Variants in SENP1 observed in about 807,000 individuals in gnomAD.
SENP1 encodes sentrin-specific protease 1.
SENP1 carries 21 observed loss-of-function variants against 93.0 expected under a neutral mutation model. The observed-to-expected ratio is 0.23, with a 90% confidence interval of 0.16 to 0.33. The LOEUF (loss-of-function observed/expected upper bound fraction) is 0.33. Ranked by LOEUF, SENP1 falls within the 10% of genes least tolerant of loss-of-function variation. SENP1 has a pLI of 1.00. For missense variants in SENP1, 591 were observed against 758.7 expected, an observed-to-expected ratio of 0.78 and a Z score of 2.60; for synonymous variants, 256 against 259.6, an observed-to-expected ratio of 0.99 and a Z score of 0.13.
At chr12:48,061,347 T>C (rs1347139912) in intron 13 of SENP1, among the ~76,000 whole-genome samples, 1 of 152,116 alleles carries the variant, frequency 6.6e-6, no homozygotes, top group African/African-American at 2.4e-5. Flanking sequence ...AAGAAGAGGA[T>C]TGAACAGAGG....
intron 16 of SENP1, among the ~76,000 whole-genome samples, 163 bp downstream of exon 16, chr12:48,046,815 T>C (rs1214083584): frequency 6.6e-6 from 1 of 152,048 alleles, no homozygotes; most frequent in Non-Finnish European, 1.5e-5. Flanking sequence ...CACTATCACT[T>C]TTCCTACGGA....
chr12:48,053,590 G>C lies in SENP1; in HGVS notation c.1408-4458C>G, dbSNP rs58573495. Among the ~76,000 whole-genome samples the C allele has an allele frequency of 4.8e-3, 722 of 151,610 alleles. 7 individuals carry two copies. The highest frequency in any genetic ancestry group is 0.016 in the African/African-American group (647 of 41,286). ...CTTTAGTACTTCCCCATAAAGTTTTGCTTCTTATTTTATGCCACCAATCAA... is the reference window on the plus strand; with the variant it reads ...CTTTAGTACTTCCCCATAAAGTTTTCCTTCTTATTTTATGCCACCAATCAA... On this transcript the variant is annotated intron_variant, in intron 13 of 17. Coordinates refer to ENST00000549518, the MANE Select transcript of SENP1 (RefSeq NM_001267594.2).
Position 48,060,836 on chromosome 12 carries a change from C to T in SENP1, c.1407+2874G>A, listed in dbSNP as rs572346921. On this transcript the variant is annotated intron_variant, in intron 13 of 17. Transcript: ENST00000549518. The stretch of plus-strand genomic sequence containing the variant: ...ATCTCCTGACCCAGTATAGAAATCC[C>T]CATCTACGGTGTCTTGATTGTAACA... Among the ~76,000 whole-genome samples the T allele has an allele frequency of 6.6e-4, 100 of 152,284 alleles. 1 individual carries two copies. The highest frequency in any genetic ancestry group is 1.9e-3 in the African/African-American group (79 of 41,564).
chr12:48,043,034 G>A lies in SENP1; in HGVS notation c.*2288C>T, dbSNP rs771853682. 1.3e-5 allele frequency: 2 copies of A among 151,922 alleles called. No individual in the cohort carries two copies. Among genetic ancestry groups the A allele is most frequent in the Non-Finnish European group, 2.9e-5 (2 of 67,974 alleles). 9.4% of individuals were successfully genotyped at this position (151,922 alleles called of 1,614,324 possible). A position where few individuals can be genotyped will look rare whatever the true frequency, so the allele number is the denominator to read the frequency against. The stretch of plus-strand genomic sequence containing the variant: ...AGCCTACCCCTAAACAAAGGGGAAA[G>A]TTTCCAGATACTACTCCTGCTCTTG... On this transcript the variant is annotated 3_prime_UTR_variant, in exon 18 of 18. Coordinates refer to ENST00000549518, the MANE Select transcript of SENP1 (RefSeq NM_001267594.2).
At chr12:48,077,023 T>C (rs962322106) in intron 6 of SENP1, among the ~76,000 whole-genome samples, 4 of 152,244 alleles carry the variant, frequency 2.6e-5, no homozygotes, top group African/African-American at 7.2e-5. Context: ...CCCATCTTTA[T>C]GTCCATTTGT....
chr12:48,089,377 T>C lies in SENP1; in HGVS notation c.221-417A>G, dbSNP rs1945083710. ...ATTCAAATGAACAACAGTTATTGATTACTAAGCAGCTAGTGTCACTTTCTT... is the reference window on the plus strand; with the variant it reads ...ATTCAAATGAACAACAGTTATTGATCACTAAGCAGCTAGTGTCACTTTCTT... On this transcript the variant is annotated intron_variant, in intron 4 of 17. Transcript: ENST00000549518. 2.4e-6 allele frequency: 3 copies of C among 1,242,858 alleles called. No homozygotes were observed. In the Admixed American group the frequency reaches 8.3e-5, roughly 34 times the overall value. 77.0% of individuals were successfully genotyped at this position (1,242,858 alleles called of 1,614,324 possible).
intron 13 of SENP1, among the ~76,000 whole-genome samples, chr12:48,053,753 T>C (rs1358559217): frequency 6.6e-6 from 1 of 152,186 alleles, no homozygotes; most frequent in Non-Finnish European, 1.5e-5. Flanking sequence ...AATTACAGTC[T>C]GCTATGTAGA....
intron 6 of SENP1, among the ~76,000 whole-genome samples, chr12:48,083,147 C>T (rs1205893508): frequency 6.6e-6 from 1 of 152,166 alleles, no homozygotes; most frequent in African/African-American, 2.4e-5. Flanking sequence ...TCAAGTGATC[C>T]ACCTGTCTTG....
chr12:48,057,972 A>C (rs1942685255), intron 13 of SENP1, among the ~76,000 whole-genome samples: 1 of 123,702 alleles, frequency 8.1e-6, no homozygotes, highest in Non-Finnish European at 1.6e-5. Flanking sequence ...TTTGAGATAA[A>C]GTCTCGCTCC....
chr12:48,092,440 G>GA (rs1945281614), intron 4 of SENP1, among the ~76,000 whole-genome samples: 1 of 151,974 alleles, frequency 6.6e-6, no homozygotes, highest in African/African-American at 2.4e-5. Flanking sequence ...TTCATTATAA[G>GA]AAAAAAATAT....
intron 10 of SENP1, 85 bp from the exon 11 acceptor site, chr12:48,065,765 G>A: frequency 3.7e-6 from 3 of 801,750 alleles, no homozygotes; most frequent in South Asian, 3.4e-5. Flanking sequence ...ATTAAATACA[G>A]GACCCTCACA....
At chr12:48,104,491 A>G (rs945043579) in intron 1 of SENP1, among the ~76,000 whole-genome samples, 1 of 152,166 alleles carries the variant, frequency 6.6e-6, no homozygotes, top group African/African-American at 2.4e-5. Flanking sequence ...AATCTCTCCC[A>G]ATCACTCTAA....
chr12:48,061,381 T>C (rs371483097), intron 13 of SENP1, among the ~76,000 whole-genome samples: 2 of 152,202 alleles, frequency 1.3e-5, no homozygotes, highest in Admixed American at 1.3e-4. Flanking sequence ...AAAAGACTGA[T>C]AGTTCACAAC....
rs1200329428 is a variant in SENP1, at chr12:48,047,051, T to C, written c.1703A>G (p.Lys568Arg). 13 of 1,610,668 alleles carry C rather than the reference T, an allele frequency of 8.1e-6. No individual in the cohort carries two copies. The highest frequency in any genetic ancestry group is 1.0e-5 in the Non-Finnish European group (12 of 1,177,098). ...EACRILLQYL[K>R]QESIDKKRKE... is the part of the protein sequence containing the mutation. Reference sequence around the variant, plus strand: ...CCTTTTCTTGTCAATGCTTTCTTGCTTTAGGTATTGCCTAAAGGTATCAGG... The same window carrying C: ...CCTTTTCTTGTCAATGCTTTCTTGCCTTAGGTATTGCCTAAAGGTATCAGG... The change falls in exon 16 of 18, where the codon AAG (lysine) becomes AGG (arginine). Residue 568 changes from lysine (K) to arginine (R), a missense_variant. Physicochemically the swap from Lys to Arg is conservative, Grantham distance 26. This residue lies in a region of SENP1 where 132 missense variants were observed against 230.1 expected (regional missense o/e 0.57). Coordinates refer to ENST00000549518, the MANE Select transcript of SENP1 (RefSeq NM_001267594.2).
chr12:48,101,120 T>C (rs1233243907), intron 2 of SENP1, among the ~76,000 whole-genome samples: 2 of 152,082 alleles, frequency 1.3e-5, no homozygotes, highest in African/African-American at 4.8e-5. Context: ...ACCCCGTCTC[T>C]ACTAAAAATA....
chr12:48,090,018 G>A (rs1945121106), intron 4 of SENP1, among the ~76,000 whole-genome samples: 2 of 151,978 alleles, frequency 1.3e-5, no homozygotes, highest in Admixed American at 1.3e-4. Flanking sequence ...CAGGATTTAG[G>A]GTAAATAGGA....
At chr12:48,055,990 ATAT>A (rs1041632754) in intron 13 of SENP1, among the ~76,000 whole-genome samples, 4 of 131,554 alleles carry the variant, frequency 3.0e-5, no homozygotes, top group East Asian at 4.3e-4. Context: ...TACATGATAT[ATAT>A]TATTTAATAT....
At chr12:48,074,195 G>T in intron 8 of SENP1, 129 bp downstream of exon 8, 2 of 805,204 alleles carry the variant, frequency 2.5e-6, no homozygotes, top group South Asian at 1.9e-5. Flanking sequence ...GGAACATTTC[G>T]GACTTCATAT....
At chr12:48,087,886 A>T (rs1944988050) in intron 5 of SENP1, among the ~76,000 whole-genome samples, 1 of 152,220 alleles carries the variant, frequency 6.6e-6, no homozygotes, top group Non-Finnish European at 1.5e-5. Flanking sequence ...GTAGTCATAA[A>T]TACTATTTTA....
Sources: gnomAD v4.1 joint callset for allele counts (sites outside exome capture counted in the v4.1 genomes callset) on GRCh38, gnomAD v4.1.1 for gene constraint, gnomAD v4.1.1 regional missense constraint, MANE v1.5 for transcripts, NCBI Gene and HGNC (gene_info 2026-07-23, HGNC 2026-07-21) for gene names.